Variants in UROS observed in about 807,000 individuals in gnomAD.
The protein encoded by UROS is uroporphyrinogen-III synthase.
A neutral mutation model predicts 33.0 loss-of-function variants in UROS; 18 were observed. That is an observed-to-expected ratio of 0.55 (90% CI 0.38 to 0.81). UROS has a LOEUF of 0.81. Ranked by LOEUF, UROS falls within the 30% of genes least tolerant of loss-of-function variation. The pLI is 0.00. For synonymous variants in UROS, 114 were observed against 121.1 expected (o/e 0.94, Z 0.38); for missense variants, 293 against 314.9 (o/e 0.93, Z 0.53).
chr10:125,790,730 C>CCACAA, intron 9 of UROS, among the ~76,000 whole-genome samples: 1 of 148,272 alleles, frequency 6.7e-6, no homozygotes, highest in African/African-American at 2.5e-5. Context: ...TTGCAGTGAG[C>CCACAA]TGAGATCGTG....
downstream of UROS, among the ~76,000 whole-genome samples, chr10:125,788,341 C>T (rs537140524): frequency 1.2e-3 from 179 of 152,312 alleles, no homozygotes; most frequent in African/African-American, 4.1e-3. Flanking sequence ...GATGGTTTGA[C>T]TGTCTAATGC....
intron 9 of UROS, 117 bp from the exon 10 acceptor site, chr10:125,789,122 G>T: frequency 6.9e-7 from 1 of 1,456,338 alleles, no homozygotes; most frequent in Non-Finnish European, 9.4e-7. Flanking sequence ...TACTGCTCAT[G>T]TGACGTGTTT....
intron 4 of UROS, 47 bp from the exon 5 acceptor site, chr10:125,812,335 A>G (rs565930044): frequency 6.4e-7 from 1 of 1,565,882 alleles, no homozygotes; most frequent in Non-Finnish European, 8.8e-7. Context: ...CAAAGTGGCC[A>G]TTTGGACTGT....
chr10:125,790,845 C>G (rs993393522), intron 9 of UROS, among the ~76,000 whole-genome samples: 6 of 149,828 alleles, frequency 4.0e-5, no homozygotes, highest in East Asian at 4.0e-4. Flanking sequence ...AATACCAACA[C>G]TTTGGCAGGC....
At chr10:125,820,309 G>T (rs1853761974) in intron 1 of UROS, among the ~76,000 whole-genome samples, 1 of 152,224 alleles carries the variant, frequency 6.6e-6, no homozygotes, top group African/African-American at 2.4e-5. Flanking sequence ...AGCCAAGGGT[G>T]TAGGTTCCAG....
intron 6 of UROS, among the ~76,000 whole-genome samples, chr10:125,806,731 G>A (rs1269387829): frequency 6.6e-6 from 1 of 152,146 alleles, no homozygotes; most frequent in Non-Finnish European, 1.5e-5. Context: ...CTACAGCAGA[G>A]GAGTCAAATG....
chr10:125,807,454 G>C lies in UROS; in HGVS notation c.353C>G (p.Thr118Ser), dbSNP rs773420979. ...SKIGLDTEGE[T>S]CGNAEKLAEY... ...TGCAAGCTTTTCTGCATTTCCACAG[G>C]TTTCTCCTTCTGTATCCAGGCCAAT... The change falls in exon 6 of 10, where the codon ACC becomes AGC. Residue 118 changes from threonine (T) to serine (S), a missense_variant. Coordinates refer to ENST00000368797, the MANE Select transcript of UROS (RefSeq NM_000375.3). The C allele has an allele frequency of 1.9e-6, 3 of 1,614,060 alleles. No homozygotes were observed. The Admixed American group carries it at 5.0e-5, about 27-fold the overall frequency.
chr10:125,818,609 T>C (rs1367833318), intron 1 of UROS, among the ~76,000 whole-genome samples: 1 of 152,154 alleles, frequency 6.6e-6, no homozygotes, highest in Non-Finnish European at 1.5e-5. Flanking sequence ...TTGAGAAGCG[T>C]GCACAGATAG....
rs190997976 is a variant in UROS at position 125,823,232 on chromosome 10, T to G, written c.-230A>C. 18 of 241,354 alleles carry G rather than the reference T, an allele frequency of 7.5e-5. No homozygotes were observed. The highest frequency in any genetic ancestry group is 2.3e-4 in the African/African-American group (10 of 44,316). 15.0% of individuals were successfully genotyped at this position (241,354 alleles called of 1,614,324 possible). A position where few individuals can be genotyped will look rare whatever the true frequency, so the allele number is the denominator to read the frequency against. Reference sequence around the variant, plus strand: ...CTCAGACTGGGGTCGCGTGGGTGGCTGCGCGCAGCTAGGCGCTCGCGCATG... The same window carrying G: ...CTCAGACTGGGGTCGCGTGGGTGGCGGCGCGCAGCTAGGCGCTCGCGCATG... On this transcript the variant is annotated 5_prime_UTR_variant, in exon 1 of 10. Coordinates refer to ENST00000368797, the MANE Select transcript of UROS (RefSeq NM_000375.3).
In UROS at chr10:125,801,380, G is replaced by C. The variant is rs369405204; in HGVS notation, c.395-3235C>G. On this transcript the variant is annotated intron_variant, in intron 6 of 9. Transcript: ENST00000368797. ...TCTGGGAAAGAAGGAGAATCTATCAGAACAATGAGTTATCAGATTAAATGG... is the reference window on the plus strand; with the variant it reads ...TCTGGGAAAGAAGGAGAATCTATCACAACAATGAGTTATCAGATTAAATGG... 2.6e-5 allele frequency among the ~76,000 whole-genome samples: 4 copies of C among 152,302 alleles called. No individual in the cohort carries two copies. The East Asian group carries it at 7.7e-4, about 29-fold the overall frequency.
intron 1 of UROS, among the ~76,000 whole-genome samples, chr10:125,822,168 C>G (rs1853982541): frequency 6.6e-6 from 1 of 152,174 alleles, no homozygotes; most frequent in Non-Finnish European, 1.5e-5. Context: ...AACCCTGTTT[C>G]TCTCGCAATG....
intron 6 of UROS, chr10:125,802,976 C>G: frequency 6.2e-7 from 1 of 1,612,854 alleles, no homozygotes. Context: ...CATAAGGGCA[C>G]GTCCAAACCC....
At chr10:125,788,151 G>C (rs1589904671), downstream of UROS, among the ~76,000 whole-genome samples, 2 of 152,216 alleles carry the variant, frequency 1.3e-5, no homozygotes, top group Admixed American at 6.5e-5. Context: ...TAAGAGACAA[G>C]TCTGGGTTTC....
chr10:125,813,048 T>C (rs1236140993), intron 4 of UROS, among the ~76,000 whole-genome samples: 1 of 152,232 alleles, frequency 6.6e-6, no homozygotes, highest in East Asian at 1.9e-4. Context: ...CCCTTTGAAA[T>C]GGTAACCAAA....
chr10:125,818,683 G>C (rs1249787917), intron 1 of UROS, among the ~76,000 whole-genome samples: 1 of 152,128 alleles, frequency 6.6e-6, no homozygotes, highest in African/African-American at 2.4e-5. Flanking sequence ...GTTTGCACAG[G>C]AGGGCCAGTG....
intron 1 of UROS, among the ~76,000 whole-genome samples, chr10:125,821,924 A>C (rs1442827850): frequency 6.6e-6 from 1 of 152,104 alleles, no homozygotes; most frequent in Admixed American, 6.5e-5. Context: ...CCCAGGAAAG[A>C]CCGAAATCAC....
intron 4 of UROS, among the ~76,000 whole-genome samples, chr10:125,812,804 A>T (rs1263080787): frequency 6.6e-6 from 1 of 152,226 alleles, no homozygotes; most frequent in Admixed American, 6.5e-5. Flanking sequence ...TCAATTAACA[A>T]ACACAATTTG....
At chr10:125,796,825 C>G (rs1851411524) in intron 7 of UROS, 1 of 985,170 alleles carries the variant, frequency 1.0e-6, no homozygotes, top group East Asian at 1.1e-4. Flanking sequence ...TGAGGGGCAG[C>G]CAGATGGTAG....
rs551385367 is a variant in UROS, at chr10:125,804,203, G to GA, written c.394+3209dup. On this transcript the variant is annotated intron_variant, in intron 6 of 9. Transcript: ENST00000368797. ...TCACAACCATGTGATCAAAGGGTTG[G>GA]AGATGGAGCTAGTCACCAGGGGTCA... Among the ~76,000 whole-genome samples the GA allele has an allele frequency of 1.9e-3, 291 of 152,312 alleles. 2 individuals carry two copies. The highest frequency in any genetic ancestry group is 6.6e-3 in the African/African-American group (274 of 41,566).
Sources: allele counts gnomAD v4.1 joint callset (sites outside exome capture counted in the v4.1 genomes callset), GRCh38; gene constraint gnomAD v4.1.1; transcripts MANE v1.5; gene names NCBI Gene and HGNC (gene_info 2026-07-23, HGNC 2026-07-21).